PRKAG2: variants seen among roughly 807,000 people sequenced by gnomAD.
PRKAG2 encodes the protein protein kinase AMP-activated non-catalytic subunit gamma 2.
PRKAG2 carries 26 observed loss-of-function variants against 69.6 expected under a neutral mutation model. That is an observed-to-expected ratio of 0.37 (90% CI 0.27 to 0.52). The LOEUF is 0.52. PRKAG2 is among the 20% of genes least tolerant of loss of function. PRKAG2 has a pLI of 0.90. For missense variants in PRKAG2, 557 were observed against 740.0 expected, an observed-to-expected ratio of 0.75 and a Z score of 2.87; for synonymous variants, 293 against 285.0, an observed-to-expected ratio of 1.03 and a Z score of -0.28.
chr7:151,731,847 TTG>T (rs1798990493), intron 3 of PRKAG2, among the ~76,000 whole-genome samples: 1 of 152,114 alleles, frequency 6.6e-6, no homozygotes, highest in Non-Finnish European at 1.5e-5. Flanking sequence ...AGATTTTTGT[TTG>T]TCTTTTGAGA....
At position 151,786,479 on chromosome 7, in the gene PRKAG2, G is replaced by A; in HGVS notation, c.177C>T (p.Ser59=). The change falls in exon 2 of 16, where the codon TCC becomes TCT. Residue 59 remains serine, a synonymous_variant. Coordinates refer to ENST00000287878, the MANE Select transcript of PRKAG2 (RefSeq NM_016203.4). ...DGDLEGSGKH[S]SRKVDSPFGP... ...GGAAAGGAGGTCTTACCTTTCGAGA[G>A]GAATGCTTTCCGGAACCCTCCAGGT... 6.2e-7 allele frequency: 1 copy of A among 1,612,136 alleles called. No individual in the cohort carries two copies. The highest frequency in any genetic ancestry group is 8.5e-7 in the Non-Finnish European group (1 of 1,179,254).
chr7:151,781,271 C>A lies in PRKAG2; in HGVS notation c.347G>T (p.Arg116Leu), dbSNP rs369471907. Residue 116 changes from arginine to leucine, a missense_variant, in exon 3 of 16, where the codon CGC (arginine) becomes CTC (leucine). Around this residue, in one of 2 missense-constraint regions of PRKAG2, gnomAD observed 352 missense variants for 356.7 expected, o/e 0.99. Transcript: ENST00000287878. This position sits in a 1 kb window ranked among gnomAD's most constrained non-coding sequence, Gnocchi z 6.1. ...ACTGAAGCTCATGCGTCGAGGGGAG[C>A]GTGGCGGGGACTCCTGGTAGGAGAA... ...FPFSYQESPP[R>L]SPRRMSFSGI... 6 of 1,613,938 alleles carry A rather than the reference C, an allele frequency of 3.7e-6. No homozygotes were observed. The highest frequency in any genetic ancestry group is 2.7e-5 in the African/African-American group (2 of 74,902).
In PRKAG2 at chr7:151,858,030, T is replaced by C. The variant is rs547052577; in HGVS notation, c.114+18477A>G. 2.4e-3 allele frequency among the ~76,000 whole-genome samples: 370 copies of C among 152,318 alleles called. 2 individuals carry two copies. Among genetic ancestry groups the C allele is most frequent in the African/African-American group, 8.4e-3 (348 of 41,572 alleles). Reference sequence around the variant, plus strand: ...CTTTCCCCCACTGCTGGTGGTGCTGTGGCCCCTCGGCTGCCAGCCCCTTAT... The same window carrying C: ...CTTTCCCCCACTGCTGGTGGTGCTGCGGCCCCTCGGCTGCCAGCCCCTTAT... On this transcript the variant is annotated intron_variant, in intron 1 of 15. Coordinates refer to ENST00000287878, the MANE Select transcript of PRKAG2 (RefSeq NM_016203.4).
chr7:151,779,563 G>T (rs1210769861), intron 3 of PRKAG2, among the ~76,000 whole-genome samples: 1 of 152,210 alleles, frequency 6.6e-6, no homozygotes, highest in African/African-American at 2.4e-5. Flanking sequence ...CGATCATCAG[G>T]TTCCCTGTGC....
chr7:151,733,839 G>A (rs996952424), intron 3 of PRKAG2, among the ~76,000 whole-genome samples: 2 of 152,108 alleles, frequency 1.3e-5, no homozygotes, highest in South Asian at 2.1e-4. Context: ...GGGACCATGG[G>A]TGTGCACCAC....
chr7:151,848,161 C>T lies in PRKAG2; in HGVS notation c.114+28346G>A, dbSNP rs1173152128. 3.3e-5 allele frequency among the ~76,000 whole-genome samples: 5 copies of T among 152,292 alleles called. No individual in the cohort carries two copies. The East Asian group carries it at 9.6e-4, about 29-fold the overall frequency. ...TACTGCTATGGTTTGAATGTTTGTG[C>T]CTCCTACAAAATTCATGCTGAAACT... On this transcript the variant is annotated intron_variant, in intron 1 of 15. Transcript: ENST00000287878.
chr7:151,856,310 G>A (rs564371668), intron 1 of PRKAG2, among the ~76,000 whole-genome samples: 90 of 152,358 alleles, frequency 5.9e-4, no homozygotes, highest in African/African-American at 2.0e-3. Context: ...CTGGCTCCCC[G>A]TGGCGATCTT....
chr7:151,753,008 G>A (rs2074816332), intron 3 of PRKAG2, among the ~76,000 whole-genome samples: 1 of 152,240 alleles, frequency 6.6e-6, no homozygotes, highest in Non-Finnish European at 1.5e-5. Context: ...AGAAGCCCAG[G>A]GCAGCCCACG....
rs897783066 is a variant in PRKAG2 at position 151,850,722 on chromosome 7, G to C, written c.114+25785C>G. Among the ~76,000 whole-genome samples, 6 of 152,230 alleles carry C rather than the reference G, an allele frequency of 3.9e-5. No homozygotes were observed. Among genetic ancestry groups the C allele is most frequent in the African/African-American group, 1.4e-4 (6 of 41,452 alleles). ...CCGCCCCACCGGCTTCTGCCAGAGG[G>C]AGGAGTCAGAGGTGAGAGTCTGGTG... is the stretch of plus-strand genomic sequence containing the variant. On this transcript the variant is annotated intron_variant, in intron 1 of 15. Coordinates refer to ENST00000287878, the MANE Select transcript of PRKAG2 (RefSeq NM_016203.4). This position sits in a 1 kb window ranked among gnomAD's most constrained non-coding sequence, Gnocchi z 4.1.
chr7:151,633,884 A>G (rs1481031829), intron 4 of PRKAG2, among the ~76,000 whole-genome samples: 1 of 152,168 alleles, frequency 6.6e-6, no homozygotes, highest in Non-Finnish European at 1.5e-5. Context: ...AAATAAGCTT[A>G]TTCTAAAATT....
chr7:151,572,568 G>A lies in PRKAG2; in HGVS notation c.1051+96C>T, dbSNP rs1584978956. ...AATGTTTTATATAACATTTTATGGA[G>A]CAGAGAGAAAAGGATCTGCAAAATG... is the stretch of plus-strand genomic sequence containing the variant. On this transcript the variant is annotated intron_variant, in intron 9 of 15. Transcript: ENST00000287878. 3.4e-6 allele frequency: 3 copies of A among 875,920 alleles called. No homozygotes were observed. The East Asian group carries it at 7.4e-5, about 21-fold the overall frequency. The allele number at this position is 875,920 out of a possible 1,614,324, so 54.3% of individuals were successfully genotyped here. A position where few individuals can be genotyped will look rare whatever the true frequency, so the allele number is the denominator to read the frequency against.
At chr7:151,651,831 C>G (rs562344393) in intron 4 of PRKAG2, among the ~76,000 whole-genome samples, 1 of 152,002 alleles carries the variant, frequency 6.6e-6, no homozygotes, top group East Asian at 1.9e-4. Flanking sequence ...TGCATGAGCT[C>G]ACTTGTAGAT....
chr7:151,752,884 G>T (rs573125709), intron 3 of PRKAG2, among the ~76,000 whole-genome samples: 2 of 152,358 alleles, frequency 1.3e-5, no homozygotes, highest in South Asian at 2.1e-4. Context: ...GGGAAAGTAA[G>T]CCCTTTATTA....
At chr7:151,736,348 A>T in intron 3 of PRKAG2, 1 of 1,052,748 alleles carries the variant, frequency 9.5e-7, no homozygotes, top group Non-Finnish European at 1.2e-6. Context: ...TTGTTGATGT[A>T]GTTAAGGTCA....
At chr7:151,646,842 G>A (rs911265319) in intron 4 of PRKAG2, among the ~76,000 whole-genome samples, 3 of 152,164 alleles carry the variant, frequency 2.0e-5, no homozygotes, top group African/African-American at 7.2e-5. Flanking sequence ...CAGCTCACGT[G>A]CACAACCTCA....
rs183383933 is a variant in PRKAG2, at chr7:151,666,462, T to C, written c.684+8958A>G. On this transcript the variant is annotated intron_variant, in intron 4 of 15. Coordinates refer to ENST00000287878, the MANE Select transcript of PRKAG2 (RefSeq NM_016203.4). ...CAGAACCGTGACACATCAACTTCTG[T>C]TGTTTAAGCTGCCCAGTCTGTGGTA... 2.6e-5 allele frequency among the ~76,000 whole-genome samples: 4 copies of C among 152,324 alleles called. No homozygotes were observed. In the East Asian group the frequency reaches 7.7e-4, roughly 29 times the overall value.
intron 3 of PRKAG2, among the ~76,000 whole-genome samples, chr7:151,704,258 C>T (rs1368236512): frequency 3.3e-5 from 5 of 152,188 alleles, no homozygotes; most frequent in Non-Finnish European, 7.3e-5. Flanking sequence ...AGTTATTATT[C>T]ACTACAGTCA....
Position 151,839,096 on chromosome 7 carries a change from G to A in PRKAG2, c.114+37411C>T, listed in dbSNP as rs556824883. On this transcript the variant is annotated intron_variant, in intron 1 of 15. Transcript: ENST00000287878. ...CTGGCAGCTGCCTGACACCTCAGCC[G>A]GGCCATTTCCTGAACGGCTAGGCAG... 4.3e-4 allele frequency among the ~76,000 whole-genome samples: 66 copies of A among 152,030 alleles called. No individual in the cohort carries two copies. In the East Asian group the frequency reaches 0.012, roughly 28 times the overall value.
intron 3 of PRKAG2, chr7:151,736,516 C>T (rs935629314): frequency 1.6e-6 from 1 of 631,344 alleles, no homozygotes; most frequent in African/African-American, 2.0e-5. Flanking sequence ...AAGGAAACCA[C>T]CCTGGGCAGA....
Sources: allele counts gnomAD v4.1 joint callset (sites outside exome capture counted in the v4.1 genomes callset), GRCh38; gene constraint gnomAD v4.1.1; regional missense constraint gnomAD v4.1.1; non-coding constraint Gnocchi (gnomAD v3.1); transcripts MANE v1.5; gene names NCBI Gene and HGNC (gene_info 2026-07-23, HGNC 2026-07-21).